The following JAZF1 variants were observed in gnomAD, a reference collection of about 807,000 sequenced individuals.
The protein encoded by JAZF1 is JAZF zinc finger 1.
A neutral mutation model predicts 26.4 loss-of-function variants in JAZF1; 8 were observed. The ratio of observed to expected loss-of-function variants is 0.30; its 90% CI spans 0.18 to 0.55. The LOEUF (loss-of-function observed/expected upper bound fraction) is 0.55, where lower values mean the gene tolerates loss of function less well. Among genes scored for constraint, JAZF1 ranks in the 20% least tolerant of loss-of-function variants. The probability of loss-of-function intolerance (pLI) is 0.94; values close to 1 mark genes in which losing one functional copy is unlikely to be tolerated. For missense variants in JAZF1, 199 were observed against 322.0 expected, an observed-to-expected ratio of 0.62 and a Z score of 2.92; for synonymous variants, 126 against 122.3, an observed-to-expected ratio of 1.03 and a Z score of -0.20.
At chr7:27,953,234 T>C (rs1430328809) in intron 2 of JAZF1, among the ~76,000 whole-genome samples, 2 of 152,368 alleles carry the variant, frequency 1.3e-5, no homozygotes, top group African/African-American at 4.8e-5. Context: ...GCTGTTCTAA[T>C]CTTACCTGTA....
chr7:28,090,820 T>G (rs1041738354), intron 1 of JAZF1, among the ~76,000 whole-genome samples: 24 of 144,184 alleles, frequency 1.7e-4, no homozygotes, highest in African/African-American at 5.9e-4. Context: ...TTTAGTTGTT[T>G]TTTTTTTTTT....
chr7:27,911,910 TTA>T (rs1215496230), intron 2 of JAZF1, among the ~76,000 whole-genome samples: 3 of 152,154 alleles, frequency 2.0e-5, no homozygotes, highest in African/African-American at 4.8e-5. Flanking sequence ...GACAATATTT[TTA>T]TGTTTTTAGA....
chr7:28,174,654 T>C (rs1312382627), intron 1 of JAZF1, among the ~76,000 whole-genome samples: 3 of 152,192 alleles, frequency 2.0e-5, no homozygotes, highest in South Asian at 2.1e-4. Context: ...AATTAGAAGC[T>C]TGTGAAACTT....
intron 1 of JAZF1, among the ~76,000 whole-genome samples, chr7:28,143,520 T>A (rs1180497298): frequency 6.6e-6 from 1 of 152,188 alleles, no homozygotes; most frequent in Non-Finnish European, 1.5e-5. Context: ...CCTTTGGAGA[T>A]GATGTTCCAT....
chr7:28,069,682 C>T (rs1783944078), intron 1 of JAZF1, among the ~76,000 whole-genome samples: 1 of 152,170 alleles, frequency 6.6e-6, no homozygotes, highest in Admixed American at 6.5e-5. Context: ...GAAAACTAAT[C>T]TCCAACCCTC....
At chr7:28,028,373 T>A (rs953516312) in intron 1 of JAZF1, among the ~76,000 whole-genome samples, 2 of 152,240 alleles carry the variant, frequency 1.3e-5, no homozygotes, top group African/African-American at 4.8e-5. Flanking sequence ...TTAACCATGC[T>A]GTTGCTATTT....
chr7:27,993,416 A>G (rs901694527), intron 1 of JAZF1, among the ~76,000 whole-genome samples: 11 of 152,212 alleles, frequency 7.2e-5, no homozygotes, highest in Admixed American at 5.2e-4. Context: ...TAACAAAAAA[A>G]CCACTCTTCA....
chr7:27,973,394 C>G (rs988129853), intron 2 of JAZF1, among the ~76,000 whole-genome samples: 7 of 152,096 alleles, frequency 4.6e-5, no homozygotes, highest in African/African-American at 1.7e-4. Flanking sequence ...ACCTTCTGGG[C>G]TCTGGTGATC....
rs74700046 is a variant in JAZF1 at position 28,122,963 on chromosome 7, A to T, written c.115+57500T>A. On this transcript the variant is annotated intron_variant, in intron 1 of 4. Coordinates refer to ENST00000283928, the MANE Select transcript of JAZF1 (RefSeq NM_175061.4). Reference sequence around the variant, plus strand: ...CAAGATGCTGATATCCTATCTAAAGATGCCTCTCCCTCTTCTCTACCAGCA... The same window carrying T: ...CAAGATGCTGATATCCTATCTAAAGTTGCCTCTCCCTCTTCTCTACCAGCA... 0.013 allele frequency among the ~76,000 whole-genome samples: 1,963 copies of T among 152,140 alleles called. 134 individuals carry two copies. In the East Asian group the frequency reaches 0.22, roughly 17 times the overall value.
At chr7:28,157,764 G>GC (rs1483845379) in intron 1 of JAZF1, among the ~76,000 whole-genome samples, 1 of 152,112 alleles carries the variant, frequency 6.6e-6, no homozygotes, top group Non-Finnish European at 1.5e-5. Context: ...TGTTAATGAA[G>GC]CTTAGCATGT....
intron 1 of JAZF1, among the ~76,000 whole-genome samples, chr7:28,125,879 A>G (rs954019059): frequency 4.6e-5 from 7 of 152,192 alleles, no homozygotes; most frequent in Non-Finnish European, 1.5e-5. Context: ...TGATGTTTTC[A>G]GCTTAGAATT....
intron 1 of JAZF1, among the ~76,000 whole-genome samples, chr7:28,117,542 G>A (rs1784766345): frequency 6.6e-6 from 1 of 152,148 alleles, no homozygotes; most frequent in African/African-American, 2.4e-5. Flanking sequence ...TGAATGGTAT[G>A]AGATATGAAA....
At chr7:27,895,152 G>A (rs117622557) in intron 3 of JAZF1, 68 bp downstream of exon 3, 23,840 of 1,092,502 alleles carry the variant, frequency 0.022, 320 homozygotes, top group Non-Finnish European at 0.027. Context: ...TCTGCCCCCA[G>A]CACATCACAC....
intron 2 of JAZF1, among the ~76,000 whole-genome samples, chr7:27,926,129 T>G (rs975287959): frequency 1.3e-5 from 2 of 152,190 alleles, no homozygotes; most frequent in African/African-American, 4.8e-5. Flanking sequence ...AGAGGAAGGC[T>G]GGTTTGGGAA....
chr7:27,996,697 C>T (rs191381995), intron 1 of JAZF1, among the ~76,000 whole-genome samples: 6 of 152,328 alleles, frequency 3.9e-5, no homozygotes, highest in Admixed American at 3.9e-4. Flanking sequence ...TCACTCTGCA[C>T]CACTGTGTTC....
At chr7:27,908,139 G>A (rs1784295006) in intron 2 of JAZF1, among the ~76,000 whole-genome samples, 1 of 152,176 alleles carries the variant, frequency 6.6e-6, no homozygotes, top group Non-Finnish European at 1.5e-5. Context: ...GCTAAAGCAA[G>A]AATATTAGTG....
chr7:28,018,436 A>C (rs1238737373), intron 1 of JAZF1, among the ~76,000 whole-genome samples: 3 of 152,120 alleles, frequency 2.0e-5, no homozygotes, highest in Non-Finnish European at 4.4e-5. Context: ...TTTTAAGAGG[A>C]TCCCTCTGAA....
intron 1 of JAZF1, among the ~76,000 whole-genome samples, chr7:28,126,325 T>C (rs1334941686): frequency 6.6e-6 from 1 of 152,122 alleles, no homozygotes; most frequent in East Asian, 1.9e-4. Flanking sequence ...CTCACCCTAG[T>C]AGTTCAGGGG....
chr7:28,032,808 G>A (rs115718745), intron 1 of JAZF1, among the ~76,000 whole-genome samples: 255 of 152,186 alleles, frequency 1.7e-3, no homozygotes, highest in Non-Finnish European at 2.6e-3. Context: ...TCATTACCAC[G>A]TAAGGAAGTA....
Sources: allele counts gnomAD v4.1 joint callset (sites outside exome capture counted in the v4.1 genomes callset), GRCh38; gene constraint gnomAD v4.1.1; transcripts MANE v1.5; gene names NCBI Gene and HGNC (gene_info 2026-07-23, HGNC 2026-07-21).